The following FGF12 variants were observed in gnomAD, a reference collection of about 807,000 sequenced individuals.
The protein encoded by FGF12 is fibroblast growth factor 12B.
A neutral mutation model predicts 23.6 loss-of-function variants in FGF12; 14 were observed. The ratio of observed to expected loss-of-function variants is 0.59; its 90% CI spans 0.39 to 0.93. FGF12 has a LOEUF of 0.93. Ranked by LOEUF, FGF12 falls within the 40% of genes least tolerant of loss-of-function variation. The probability of loss-of-function intolerance (pLI) is 0.00; values close to 1 mark genes in which losing one functional copy is unlikely to be tolerated. For synonymous variants in FGF12, 62 were observed against 77.3 expected, an observed-to-expected ratio of 0.80 and a Z score of 1.04; for missense variants, 175 against 217.8, an observed-to-expected ratio of 0.80 and a Z score of 1.24.
chr3:192,260,855 A>T (rs1459272496), intron 4 of FGF12, among the ~76,000 whole-genome samples: 1 of 152,168 alleles, frequency 6.6e-6, no homozygotes, highest in African/African-American at 2.4e-5. Flanking sequence ...ACAGAGACTG[A>T]AAGCCTGACC....
At chr3:192,522,163 A>C (rs1190567607) in intron 2 of FGF12, among the ~76,000 whole-genome samples, 1 of 148,848 alleles carries the variant, frequency 6.7e-6, no homozygotes, top group East Asian at 2.0e-4. Context: ...GCGCCACTGC[A>C]CTCCAGCCTG....
chr3:192,382,055 G>A (rs1719839475), intron 2 of FGF12, among the ~76,000 whole-genome samples: 1 of 151,330 alleles, frequency 6.6e-6, no homozygotes, highest in Non-Finnish European at 1.5e-5. Context: ...GGAGTGCAGT[G>A]CTGCGATCTC....
chr3:192,436,508 T>C (rs976648237), intron 2 of FGF12, among the ~76,000 whole-genome samples: 3 of 152,306 alleles, frequency 2.0e-5, no homozygotes, highest in East Asian at 3.9e-4. Context: ...GGGCCCACAA[T>C]TGGAAAACCT....
chr3:192,371,881 G>T (rs1719248288), intron 2 of FGF12, among the ~76,000 whole-genome samples: 1 of 152,100 alleles, frequency 6.6e-6, no homozygotes, highest in Non-Finnish European at 1.5e-5. Flanking sequence ...GTTGTCTTTT[G>T]AAGAACTCTA....
Position 192,447,864 on chromosome 3 carries a change from A to T in FGF12, c.14-87326T>A, listed in dbSNP as rs563922620. On this transcript the variant is annotated intron_variant, in intron 2 of 5. Transcript: ENST00000445105. ...ACGCAGATCAAGTATTTGACACAGC[A>T]GCATCCCAAAGTCTCCTATATGTCC... 7.2e-5 allele frequency among the ~76,000 whole-genome samples: 11 copies of T among 152,352 alleles called. No individual in the cohort carries two copies. In the South Asian group the frequency reaches 2.1e-3, roughly 29 times the overall value.
At chr3:192,550,834 T>C (rs979689898) in intron 2 of FGF12, among the ~76,000 whole-genome samples, 66 of 152,306 alleles carry the variant, frequency 4.3e-4, no homozygotes, top group African/African-American at 1.6e-3. Flanking sequence ...TTAAAAATAC[T>C]TTAAAATACT....
At chr3:192,323,935 C>CA (rs979949743) in intron 4 of FGF12, among the ~76,000 whole-genome samples, 7 of 151,570 alleles carry the variant, frequency 4.6e-5, no homozygotes, top group Non-Finnish European at 7.4e-5. Flanking sequence ...TACTAAAATA[C>CA]AAAAAAATTG....
Position 192,307,749 on chromosome 3 carries a change from C to A in FGF12, c.228+27612G>T, listed in dbSNP as rs143989477. 2.1e-3 allele frequency among the ~76,000 whole-genome samples: 314 copies of A among 152,298 alleles called. 3 individuals are homozygous for A. The highest frequency in any genetic ancestry group is 7.2e-3 in the African/African-American group (301 of 41,570). On this transcript the variant is annotated intron_variant, in intron 4 of 5. Coordinates refer to ENST00000445105, the MANE Select transcript of FGF12 (RefSeq NM_004113.6). The stretch of plus-strand genomic sequence containing the variant: ...GCTCAAAGAGTTATATTTACTGCCA[C>A]GCAAGATGAATCATGCCTCTTTGGG...
chr3:192,443,215 C>T (rs1722255491), intron 2 of FGF12, among the ~76,000 whole-genome samples: 1 of 152,146 alleles, frequency 6.6e-6, no homozygotes, highest in Admixed American at 6.5e-5. Context: ...CAGACATTTT[C>T]AAGCATATCC....
chr3:192,159,961 TG>T (rs1409075505), intron 5 of FGF12, among the ~76,000 whole-genome samples: 3 of 151,540 alleles, frequency 2.0e-5, no homozygotes, highest in Admixed American at 6.6e-5. Flanking sequence ...TGTGTGTGTG[TG>T]TGTGTGTGTG....
chr3:192,714,968 CA>C (rs1718822148), intron 2 of FGF12, among the ~76,000 whole-genome samples: 2 of 152,140 alleles, frequency 1.3e-5, no homozygotes, highest in South Asian at 4.1e-4. Context: ...TTCCATTAAG[CA>C]AGAGAAGTGT....
At chr3:192,279,518 T>C (rs1714018755) in intron 4 of FGF12, among the ~76,000 whole-genome samples, 1 of 152,102 alleles carries the variant, frequency 6.6e-6, no homozygotes, top group Admixed American at 6.5e-5. Flanking sequence ...ATAGAGATAC[T>C]AAAGTTCACA....
chr3:192,588,829 T>C (rs911386770), intron 2 of FGF12, among the ~76,000 whole-genome samples: 1 of 151,880 alleles, frequency 6.6e-6, no homozygotes, highest in Admixed American at 6.6e-5. Context: ...TTTCTTTAGG[T>C]GAGAGGTAAA....
At chr3:192,366,237 G>A (rs780386716) in intron 2 of FGF12, among the ~76,000 whole-genome samples, 12 of 152,244 alleles carry the variant, frequency 7.9e-5, no homozygotes, top group Non-Finnish European at 1.0e-4. Flanking sequence ...ATTAAAGTAC[G>A]TGTTGATAGA....
intron 2 of FGF12, among the ~76,000 whole-genome samples, chr3:192,622,907 G>T (rs1715027855): frequency 6.6e-6 from 1 of 152,114 alleles, no homozygotes; most frequent in Non-Finnish European, 1.5e-5. Context: ...CCTAGATCCA[G>T]GGACCACAGA....
chr3:192,379,461 C>A (rs1421494021), intron 2 of FGF12, among the ~76,000 whole-genome samples: 1 of 148,328 alleles, frequency 6.7e-6, no homozygotes. Context: ...TTTTAAATGT[C>A]CTTTTGTACT....
At chr3:192,331,974 G>A (rs73066596) in intron 4 of FGF12, among the ~76,000 whole-genome samples, 11,998 of 152,004 alleles carry the variant, frequency 0.079, 717 homozygotes, top group South Asian at 0.17. Context: ...TTCACCATCC[G>A]CACACCTTCA....
chr3:192,498,548 G>T (rs1724028075), intron 2 of FGF12, among the ~76,000 whole-genome samples: 1 of 151,830 alleles, frequency 6.6e-6, no homozygotes. Flanking sequence ...TTTAATAATA[G>T]AAGTCAGTCT....
chr3:192,252,057 AT>A (rs932090055), intron 4 of FGF12, among the ~76,000 whole-genome samples: 4 of 151,694 alleles, frequency 2.6e-5, no homozygotes, highest in South Asian at 2.1e-4. Context: ...TGCATGCTTA[AT>A]TTTTTTTTGT....
Sources: gnomAD v4.1 joint callset for allele counts (sites outside exome capture counted in the v4.1 genomes callset) on GRCh38, gnomAD v4.1.1 for gene constraint, MANE v1.5 for transcripts, NCBI Gene and HGNC (gene_info 2026-07-23, HGNC 2026-07-21) for gene names.